APBB1IP: variants seen among roughly 807,000 people sequenced by gnomAD.
APBB1IP encodes the protein amyloid beta A4 precursor protein-binding family B member 1-interacting protein.
Under a neutral mutation model 64.9 loss-of-function variants are expected in APBB1IP, and 27 were observed. The observed-to-expected ratio is 0.42, with a 90% CI of 0.31 to 0.57. The LOEUF is 0.57. Among genes scored for constraint, APBB1IP ranks in the 20% least tolerant of loss-of-function variants. The pLI, the probability that APBB1IP is intolerant of heterozygous loss-of-function variation, is 0.20. For missense variants in APBB1IP, 812 were observed against 845.5 expected (o/e 0.96, Z 0.49); for synonymous variants, 392 against 331.0 (o/e 1.18, Z -2.00).
At chr10:26,554,976 G>A (rs1014448976) in intron 11 of APBB1IP, among the ~76,000 whole-genome samples, 2 of 152,058 alleles carry the variant, frequency 1.3e-5, no homozygotes, top group Non-Finnish European at 2.9e-5. Flanking sequence ...TCCAAATAAG[G>A]TTACATTCAT....
chr10:26,533,564 C>A, intron 9 of APBB1IP, 39 bp downstream of exon 9: 2 of 1,349,812 alleles, frequency 1.5e-6, no homozygotes, highest in South Asian at 1.5e-5. Context: ...AAGAGAAGGA[C>A]GTTTGCTCTA....
At chr10:26,492,252 A>T (rs1313212620) in intron 2 of APBB1IP, 75 bp from the exon 3 acceptor site, 3 of 1,352,418 alleles carry the variant, frequency 2.2e-6, no homozygotes, top group East Asian at 4.6e-5. Flanking sequence ...CTTGGGGGAA[A>T]GAGAGGGATG....
chr10:26,544,234 A>G (rs1836733070), intron 11 of APBB1IP, among the ~76,000 whole-genome samples: 1 of 152,178 alleles, frequency 6.6e-6, no homozygotes, highest in African/African-American at 2.4e-5. Flanking sequence ...TAAATTACCA[A>G]AATGGAGCAT....
chr10:26,555,001 A>T (rs192740751), intron 11 of APBB1IP, among the ~76,000 whole-genome samples: 1 of 152,310 alleles, frequency 6.6e-6, no homozygotes, highest in Non-Finnish European at 1.5e-5. Context: ...ACCAGGAGTG[A>T]GTACCATAGC....
chr10:26,449,313 C>T (rs907010717), intron 2 of APBB1IP, among the ~76,000 whole-genome samples: 12 of 151,794 alleles, frequency 7.9e-5, no homozygotes, highest in Non-Finnish European at 1.5e-4. Flanking sequence ...GTGTGTATAT[C>T]TGTGTGTGTG....
intron 2 of APBB1IP, among the ~76,000 whole-genome samples, chr10:26,457,736 GGGCTTAAAAATGA>G (rs1241586448): frequency 1.3e-5 from 2 of 152,158 alleles, no homozygotes; most frequent in Non-Finnish European, 2.9e-5. Flanking sequence ...TATAATTGCA[GGGCTTAAAAATGA>G]GGAGGGAGAG....
Position 26,540,758 on chromosome 10 carries a change from G to T in APBB1IP, c.1045-824G>T, listed in dbSNP as rs536317004. Among the ~76,000 whole-genome samples, 6 of 152,262 alleles carry T rather than the reference G, an allele frequency of 3.9e-5. No homozygotes were observed. In the South Asian group the frequency reaches 1.2e-3, roughly 32 times the overall value. On this transcript the variant is annotated intron_variant, in intron 10 of 14. Coordinates refer to ENST00000376236, the MANE Select transcript of APBB1IP (RefSeq NM_019043.4). Reference sequence around the variant, plus strand: ...GTGTAACCAAATATGTAGATTACAGGCTGCAGTCTTCACAGTGCCTGTTAT... The same window carrying T: ...GTGTAACCAAATATGTAGATTACAGTCTGCAGTCTTCACAGTGCCTGTTAT...
intron 13 of APBB1IP, 72 bp downstream of exon 13, chr10:26,560,916 T>A: frequency 8.4e-7 from 1 of 1,191,328 alleles, no homozygotes; most frequent in African/African-American, 1.5e-5. Context: ...ATCCAATACA[T>A]CTATACAAAC....
At chr10:26,532,172 A>C (rs577938389) in intron 8 of APBB1IP, among the ~76,000 whole-genome samples, 2 of 152,320 alleles carry the variant, frequency 1.3e-5, no homozygotes, top group African/African-American at 2.4e-5. Context: ...ATTTAGTCAC[A>C]GTGCTTCTGA....
chr10:26,528,430 G>C (rs1465707969), intron 8 of APBB1IP, among the ~76,000 whole-genome samples: 4 of 152,048 alleles, frequency 2.6e-5, no homozygotes, highest in Non-Finnish European at 5.9e-5. Flanking sequence ...AGCTTTCAAG[G>C]CCTCGTTCAA....
intron 2 of APBB1IP, among the ~76,000 whole-genome samples, chr10:26,487,510 C>T (rs116751215): frequency 8.7e-4 from 132 of 152,200 alleles, no homozygotes; most frequent in African/African-American, 3.0e-3. Context: ...TATGACTGTA[C>T]GTTTCAGCAC....
At chr10:26,462,701 T>C (rs1589193579) in intron 2 of APBB1IP, among the ~76,000 whole-genome samples, 2 of 152,300 alleles carry the variant, frequency 1.3e-5, no homozygotes, top group East Asian at 1.9e-4. Flanking sequence ...TTAGGAATGC[T>C]TTTTTTAGTG....
chr10:26,491,515 C>T (rs1488556248), intron 2 of APBB1IP, among the ~76,000 whole-genome samples: 3 of 152,100 alleles, frequency 2.0e-5, no homozygotes, highest in Non-Finnish European at 2.9e-5. Flanking sequence ...CCTATTTTGT[C>T]GCAAACTTTT....
intron 2 of APBB1IP, among the ~76,000 whole-genome samples, chr10:26,453,589 A>T (rs1336961404): frequency 1.3e-5 from 2 of 152,128 alleles, no homozygotes; most frequent in African/African-American, 4.8e-5. Context: ...CTCTGGACCT[A>T]GAATTCTCAG....
intron 2 of APBB1IP, among the ~76,000 whole-genome samples, chr10:26,478,403 G>T (rs1443676270): frequency 6.6e-6 from 1 of 152,086 alleles, no homozygotes; most frequent in Admixed American, 6.6e-5. Flanking sequence ...GAGGCGTTTG[G>T]GGCCAGGCAT....
intron 8 of APBB1IP, among the ~76,000 whole-genome samples, chr10:26,524,615 C>G (rs1456870024): frequency 4.6e-5 from 7 of 151,990 alleles, no homozygotes; most frequent in Non-Finnish European, 8.8e-5. Context: ...CATTGGTTCC[C>G]AAAAAGGCAG....
At chr10:26,551,645 C>T (rs959415506) in intron 11 of APBB1IP, among the ~76,000 whole-genome samples, 2 of 152,148 alleles carry the variant, frequency 1.3e-5, no homozygotes, top group Admixed American at 6.5e-5. Context: ...ATGGAAGGAG[C>T]GCTGGAATTC....
At chr10:26,439,414 C>T (rs1835315601) in intron 2 of APBB1IP, among the ~76,000 whole-genome samples, 1 of 152,158 alleles carries the variant, frequency 6.6e-6, no homozygotes, top group African/African-American at 2.4e-5. Context: ...CCCGAATATT[C>T]TCATTTTCAT....
chr10:26,486,853 A>T (rs1835898742), intron 2 of APBB1IP, among the ~76,000 whole-genome samples: 1 of 152,234 alleles, frequency 6.6e-6, no homozygotes, highest in Non-Finnish European at 1.5e-5. Flanking sequence ...AGAAATATTA[A>T]GCATTAGGGA....
Sources: gnomAD v4.1 joint callset for allele counts (sites outside exome capture counted in the v4.1 genomes callset) on GRCh38, gnomAD v4.1.1 for gene constraint, MANE v1.5 for transcripts, NCBI Gene and HGNC (gene_info 2026-07-23, HGNC 2026-07-21) for gene names.